Variants in EMID1 observed in about 807,000 individuals in gnomAD.
The protein encoded by EMID1 is EMI domain containing 1.
In EMID1, 40 loss-of-function variants were observed where a neutral mutation model predicts 60.6. That is an observed-to-expected ratio of 0.66 (90% CI 0.51 to 0.86). The LOEUF is 0.86. EMID1 is among the 40% of genes least tolerant of loss of function. EMID1 has a pLI of 0.00. For synonymous variants in EMID1, 242 were observed against 231.0 expected (o/e 1.05, Z -0.43); for missense variants, 585 against 597.1 (o/e 0.98, Z 0.21).
rs537412184 is a variant in EMID1 at position 29,220,139 on chromosome 22, C to T, written c.319+4509C>T. On this transcript the variant is annotated intron_variant, in intron 3 of 14. Transcript: ENST00000334018. ...AACCTCACCCTCCTTCTGTTTGAAC[C>T]CCCTGCCCACACTGGCTTTGTCTCC... is the stretch of plus-strand genomic sequence containing the variant. Among the ~76,000 whole-genome samples, 6 of 152,238 alleles carry T rather than the reference C, an allele frequency of 3.9e-5. No homozygotes were observed. The South Asian group carries it at 1.2e-3, about 32-fold the overall frequency.
chr22:29,239,311 T>C (rs1400410759), intron 12 of EMID1, among the ~76,000 whole-genome samples: 1 of 120,164 alleles, frequency 8.3e-6, no homozygotes. Flanking sequence ...TTTTTTTTAA[T>C]GTAGAGGCAG....
At chr22:29,248,202 G>T (rs992231131) in intron 13 of EMID1, among the ~76,000 whole-genome samples, 3 of 150,172 alleles carry the variant, frequency 2.0e-5, no homozygotes, top group Non-Finnish European at 4.4e-5. Context: ...CAAGTGATCC[G>T]CCTGCTTCGG....
Position 29,232,190 on chromosome 22 carries a change from C to T in EMID1, c.677-66C>T, listed in dbSNP as rs192564198. The T allele has an allele frequency of 6.4e-4, 1,018 of 1,597,596 alleles. 3 individuals carry two copies. In the Middle Eastern group the frequency reaches 9.6e-3, roughly 15 times the overall value. The stretch of plus-strand genomic sequence containing the variant: ...ACTGCTCCAGGCTGCCTTGTCCTGT[C>T]GCTCAAGGCCACCCTGGGCCTCCTT... On this transcript the variant is annotated intron_variant, in intron 7 of 14. Transcript: ENST00000334018.
chr22:29,228,559 T>C (rs918979457), intron 5 of EMID1, among the ~76,000 whole-genome samples: 1 of 152,308 alleles, frequency 6.6e-6, no homozygotes, highest in Admixed American at 6.5e-5. Context: ...CATTCCCTTC[T>C]CTGGAAATTT....
At chr22:29,235,011 C>T (rs1253440214) in intron 12 of EMID1, among the ~76,000 whole-genome samples, 2 of 151,916 alleles carry the variant, frequency 1.3e-5, no homozygotes, top group African/African-American at 4.8e-5. Flanking sequence ...CATGACAAAA[C>T]TCTGTCTTTA....
At chr22:29,229,947 C>T (rs955298275) in intron 5 of EMID1, among the ~76,000 whole-genome samples, 1 of 152,192 alleles carries the variant, frequency 6.6e-6, no homozygotes, top group Non-Finnish European at 1.5e-5. Flanking sequence ...CTTCCAGCTT[C>T]CCAGAGTCTT....
At chr22:29,243,102 T>A (rs1176711200) in intron 12 of EMID1, among the ~76,000 whole-genome samples, 5 of 151,866 alleles carry the variant, frequency 3.3e-5, no homozygotes, top group African/African-American at 1.2e-4. Flanking sequence ...AACCTCAACC[T>A]CTGATTCCTG....
chr22:29,212,282 C>A (rs760955717), intron 1 of EMID1, among the ~76,000 whole-genome samples: 1 of 151,594 alleles, frequency 6.6e-6, no homozygotes, highest in Admixed American at 6.6e-5. Context: ...CCACTGCACC[C>A]GACCCTTTTT....
chr22:29,228,156 CAAAAAAAAA>C lies in EMID1; in HGVS notation c.465+1618_465+1626del, dbSNP rs748240529. Among the ~76,000 whole-genome samples the C allele has an allele frequency of 7.7e-5, 3 of 38,930 alleles. No homozygotes were observed. In the East Asian group the frequency reaches 1.9e-3, roughly 25 times the overall value. The allele number at this position is 38,930 out of a possible 152,430, so 25.5% of individuals were successfully genotyped here. A position where few individuals can be genotyped will look rare whatever the true frequency, so the allele number is the denominator to read the frequency against. ...GGGCAACAAGAACGAAACTCCATCTCAAAAAAAAAAAAAAAAAAAAATGAGCCGAGTGTG... is the reference window on the plus strand; with the variant it reads ...GGGCAACAAGAACGAAACTCCATCTCAAAAAAAAAAAATGAGCCGAGTGTG... On this transcript the variant is annotated intron_variant, in intron 5 of 14. Coordinates refer to ENST00000334018, the MANE Select transcript of EMID1 (RefSeq NM_133455.4).
chr22:29,229,868 C>T (rs1208566414), intron 5 of EMID1, among the ~76,000 whole-genome samples: 1 of 152,188 alleles, frequency 6.6e-6, no homozygotes, highest in East Asian at 1.9e-4. Context: ...TGGACAGGCC[C>T]CCACGATCCC....
At chr22:29,250,361 T>C (rs1472494810) in intron 13 of EMID1, among the ~76,000 whole-genome samples, 1 of 152,192 alleles carries the variant, frequency 6.6e-6, no homozygotes, top group Non-Finnish European at 1.5e-5. Context: ...TCCTGCCTTT[T>C]TCTTCTTCTC....
chr22:29,233,532 G>A, intron 9 of EMID1, 64 bp downstream of exon 9: 5 of 1,606,358 alleles, frequency 3.1e-6, no homozygotes, highest in Non-Finnish European at 4.3e-6. Flanking sequence ...AATAGGGTTT[G>A]TGGCTATCAG....
In EMID1 at chr22:29,206,155, G is replaced by C; in HGVS notation, c.101+16G>C. The C allele has an allele frequency of 8.1e-7, 1 of 1,228,828 alleles. No individual in the cohort carries two copies. Among genetic ancestry groups the C allele is most frequent in the Middle Eastern group, 3.0e-4 (1 of 3,362 alleles). 76.1% of individuals were successfully genotyped at this position (1,228,828 alleles called of 1,614,324 possible). A position where few individuals can be genotyped will look rare whatever the true frequency, so the allele number is the denominator to read the frequency against. On this transcript the variant is annotated intron_variant, in intron 1 of 14. Transcript: ENST00000334018. ...CCGGACGCAGGTAAGAGCTCCCGGC[G>C]CCTTTGCACCCCGCTGGCCGAGGGT...
rs553336962 is a variant in EMID1, at chr22:29,237,353, A to G, written c.1074+3004A>G. Among the ~76,000 whole-genome samples the G allele has an allele frequency of 8.6e-5, 12 of 140,310 alleles. 3 individuals carry two copies. The highest frequency in any genetic ancestry group is 3.1e-4 in the African/African-American group (11 of 35,116). The allele number at this position is 140,310 out of a possible 152,430, so 92.0% of individuals were successfully genotyped here. ...CTGCCACCCTGCCTGGCTAATTTTT[A>G]TATTTTTAGTAGAGACAGGGTTTCA... On this transcript the variant is annotated intron_variant, in intron 12 of 14. Transcript: ENST00000334018.
intron 1 of EMID1, among the ~76,000 whole-genome samples, chr22:29,209,685 G>A (rs937115418): frequency 6.6e-6 from 1 of 152,190 alleles, no homozygotes; most frequent in East Asian, 1.9e-4. Flanking sequence ...GCTAATGGGT[G>A]GTGCCCAACC....
Position 29,214,995 on chromosome 22 carries a change from A to C in EMID1, c.171A>C (p.Arg57=), listed in dbSNP as rs778998766. The change falls in exon 2 of 15, where the codon CGA becomes CGC. Residue 57 remains arginine, a synonymous_variant. Transcript: ENST00000334018. ...TGCAGAATGGCACCTACCTTCAGCG[A>C]GTGCTGCAGAACTGCCCCTGGCCCA... is the stretch of plus-strand genomic sequence containing the variant. ...CHVQNGTYLQ[R]VLQNCPWPMS... is the part of the protein sequence containing the mutation. The C allele has an allele frequency of 6.4e-7, 1 of 1,553,016 alleles. No individual in the cohort carries two copies. The highest frequency in any genetic ancestry group is 2.4e-5 in the East Asian group (1 of 41,436).
intron 12 of EMID1, among the ~76,000 whole-genome samples, chr22:29,242,425 T>C (rs1182108171): frequency 1.3e-5 from 2 of 152,264 alleles, no homozygotes; most frequent in East Asian, 1.9e-4. Flanking sequence ...ACCCATGATA[T>C]CAATTTCAGT....
intron 12 of EMID1, among the ~76,000 whole-genome samples, chr22:29,235,538 T>C (rs1372957499): frequency 6.6e-6 from 1 of 152,032 alleles, no homozygotes; most frequent in Admixed American, 6.6e-5. Context: ...TCTTTTCTTG[T>C]CTTCTTTTGG....
At chr22:29,213,938 T>C (rs1171295094) in intron 1 of EMID1, among the ~76,000 whole-genome samples, 4 of 152,180 alleles carry the variant, frequency 2.6e-5, no homozygotes. Flanking sequence ...GCACCAGCTG[T>C]GACATAAGCA....
Sources: allele counts gnomAD v4.1 joint callset (sites outside exome capture counted in the v4.1 genomes callset), GRCh38; gene constraint gnomAD v4.1.1; transcripts MANE v1.5; gene names NCBI Gene and HGNC (gene_info 2026-07-23, HGNC 2026-07-21).